Variants in CNTLN observed in about 807,000 individuals in gnomAD.
The protein encoded by CNTLN is centlein, also known as centlein, centrosomal protein.
Under a neutral mutation model 180.0 loss-of-function variants are expected in CNTLN, and 212 were observed. The ratio of observed to expected loss-of-function variants is 1.18; its 90% confidence interval spans 1.05 to 1.32. The LOEUF (loss-of-function observed/expected upper bound fraction) is 1.32. CNTLN is among the 40% of genes most tolerant of loss of function. CNTLN has a pLI of 0.00. For synonymous variants in CNTLN, 722 were observed against 563.1 expected (o/e 1.28, Z -3.99); for missense variants, 2,095 against 1,610.9 (o/e 1.30, Z -5.14).
At chr9:17,258,887 G>A (rs1367539877) in intron 5 of CNTLN, among the ~76,000 whole-genome samples, 1 of 145,402 alleles carries the variant, frequency 6.9e-6, no homozygotes, top group African/African-American at 2.7e-5. Flanking sequence ...GAGACAGTGG[G>A]GTTTTCTAGA....
chr9:17,410,198 C>T (rs554672708), intron 16 of CNTLN, among the ~76,000 whole-genome samples: 19 of 152,178 alleles, frequency 1.2e-4, no homozygotes, highest in Admixed American at 3.3e-4. Context: ...ATTTTTGCTG[C>T]TCTTCATTGA....
chr9:17,259,948 T>G (rs1826826772), intron 5 of CNTLN, among the ~76,000 whole-genome samples: 1 of 137,804 alleles, frequency 7.3e-6, no homozygotes, highest in Non-Finnish European at 1.5e-5. Context: ...ATTAATTTTT[T>G]GAAGGGTTTT....
At chr9:17,250,652 G>A (rs1481769705) in intron 5 of CNTLN, among the ~76,000 whole-genome samples, 1 of 151,868 alleles carries the variant, frequency 6.6e-6, no homozygotes, top group African/African-American at 2.4e-5. Flanking sequence ...TTATGTTATT[G>A]TTGTCACAAG....
chr9:17,164,362 CAAA>C (rs199644135), intron 2 of CNTLN, among the ~76,000 whole-genome samples: 1 of 83,900 alleles, frequency 1.2e-5, no homozygotes, highest in Non-Finnish European at 2.5e-5. Flanking sequence ...TTCATTCTTT[CAAA>C]AAAAAAAAAA....
At chr9:17,270,237 T>C (rs1827834267) in intron 5 of CNTLN, among the ~76,000 whole-genome samples, 2 of 152,172 alleles carry the variant, frequency 1.3e-5, no homozygotes, top group African/African-American at 4.8e-5. Context: ...TTAATTATGA[T>C]ATTTGCTGAT....
intron 2 of CNTLN, among the ~76,000 whole-genome samples, chr9:17,203,757 C>G (rs1822718975): frequency 2.0e-5 from 3 of 152,166 alleles, no homozygotes. Flanking sequence ...CGGGGTTTCA[C>G]CACGTTAGCC....
At position 17,135,517 on chromosome 9, in the gene CNTLN, A is replaced by G. The variant is rs1586876234; in HGVS notation, c.360+92A>G. On this transcript the variant is annotated intron_variant, in intron 1 of 25. Transcript: ENST00000380647. ...CCTTTCTCCCTCTGCCTTGGGACCT[A>G]CCCCGCCCAGCGACGCTCCCTGGCA... is the stretch of plus-strand genomic sequence containing the variant. The G allele has an allele frequency of 4.9e-6, 7 of 1,429,774 alleles. 1 individual carries two copies. The South Asian group carries it at 8.5e-5, about 17-fold the overall frequency. 88.6% of individuals were successfully genotyped at this position (1,429,774 alleles called of 1,614,324 possible).
At chr9:17,147,970 T>G (rs1818571572) in intron 2 of CNTLN, among the ~76,000 whole-genome samples, 1 of 152,210 alleles carries the variant, frequency 6.6e-6, no homozygotes, top group African/African-American at 2.4e-5. Context: ...ATTAAAGAAT[T>G]ATACTACTAT....
chr9:17,423,383 G>A (rs563642494), intron 18 of CNTLN, among the ~76,000 whole-genome samples: 1 of 152,258 alleles, frequency 6.6e-6, no homozygotes, highest in East Asian at 1.9e-4. Flanking sequence ...TGGGGCTTCA[G>A]AGATCTGCTT....
chr9:17,368,632 C>T (rs956954873), intron 13 of CNTLN, among the ~76,000 whole-genome samples: 6 of 152,180 alleles, frequency 3.9e-5, no homozygotes, highest in East Asian at 1.9e-4. Context: ...CCATCCCCAG[C>T]TCCAGAAGGC....
chr9:17,250,460 A>AT (rs1215779240), intron 5 of CNTLN, among the ~76,000 whole-genome samples: 1 of 150,878 alleles, frequency 6.6e-6, no homozygotes, highest in Non-Finnish European at 1.5e-5. Context: ...TCCTTAGTTG[A>AT]TTTTTTCTAG....
At chr9:17,200,213 C>G (rs936806122) in intron 2 of CNTLN, among the ~76,000 whole-genome samples, 1 of 152,090 alleles carries the variant, frequency 6.6e-6, no homozygotes, top group African/African-American at 2.4e-5. Context: ...GTTTTGGTAC[C>G]CGTACCATGC....
chr9:17,371,179 A>G (rs1461127364), intron 13 of CNTLN, among the ~76,000 whole-genome samples: 3 of 152,176 alleles, frequency 2.0e-5, no homozygotes, highest in African/African-American at 7.2e-5. Context: ...AAATACACAG[A>G]GTAACTGAAA....
At chr9:17,501,796 A>G (rs759258193) in intron 25 of CNTLN, among the ~76,000 whole-genome samples, 3 of 152,176 alleles carry the variant, frequency 2.0e-5, no homozygotes, top group Non-Finnish European at 2.9e-5. Flanking sequence ...GAATAAGGAT[A>G]AGAGAAATTT....
At chr9:17,157,498 T>C (rs976811441) in intron 2 of CNTLN, among the ~76,000 whole-genome samples, 3 of 152,198 alleles carry the variant, frequency 2.0e-5, no homozygotes, top group Non-Finnish European at 4.4e-5. Flanking sequence ...TTAATTTTAA[T>C]TATCAATTTG....
chr9:17,463,470 T>C (rs957927183), intron 20 of CNTLN, among the ~76,000 whole-genome samples: 3 of 151,600 alleles, frequency 2.0e-5, no homozygotes, highest in African/African-American at 7.2e-5. Flanking sequence ...TTTTAAATGC[T>C]CTATCCCACT....
chr9:17,457,994 C>G (rs146292206), intron 19 of CNTLN, among the ~76,000 whole-genome samples: 1 of 151,934 alleles, frequency 6.6e-6, no homozygotes, highest in Admixed American at 6.6e-5. Flanking sequence ...CTTTCTGCCC[C>G]CATGCCTCCC....
At chr9:17,203,798 C>A (rs1822724322) in intron 2 of CNTLN, among the ~76,000 whole-genome samples, 1 of 152,192 alleles carries the variant, frequency 6.6e-6, no homozygotes, top group Non-Finnish European at 1.5e-5. Flanking sequence ...ACCTCGTGAT[C>A]CACCCGCCTC....
rs183174902 is a variant in CNTLN at position 17,175,901 on chromosome 9, A to G, written c.449+32525A>G. On this transcript the variant is annotated intron_variant, in intron 2 of 25. Transcript: ENST00000380647. ...TAAATGATACTGTATTTTTATGTTT[A>G]GTGTCCGTGTTTGCATTACTAATAT... is the stretch of plus-strand genomic sequence containing the variant. 5.1e-3 allele frequency among the ~76,000 whole-genome samples: 772 copies of G among 152,172 alleles called. 5 individuals carry two copies. Among genetic ancestry groups the G allele is most frequent in the Admixed American group, 8.0e-3 (122 of 15,294 alleles).
Sources: gnomAD v4.1 joint callset for allele counts (sites outside exome capture counted in the v4.1 genomes callset) on GRCh38, gnomAD v4.1.1 for gene constraint, MANE v1.5 for transcripts, NCBI Gene and HGNC (gene_info 2026-07-23, HGNC 2026-07-21) for gene names.